ZNF385D: variants seen among roughly 807,000 people sequenced by gnomAD.
ZNF385D encodes the protein zinc finger protein 385D.
A neutral mutation model predicts 35.8 loss-of-function variants in ZNF385D; 15 were observed. That is an observed-to-expected ratio of 0.42 (90% CI 0.28 to 0.64). The LOEUF (loss-of-function observed/expected upper bound fraction) is 0.64, where lower values mean the gene tolerates loss of function less well. ZNF385D is among the 30% of genes least tolerant of loss of function. The pLI, the probability that ZNF385D is intolerant of heterozygous loss-of-function variation, is 0.23. For synonymous variants in ZNF385D, 212 were observed against 186.8 expected, an observed-to-expected ratio of 1.13 and a Z score of -1.10; for missense variants, 474 against 494.6, an observed-to-expected ratio of 0.96 and a Z score of 0.39.
At chr3:22,273,166 G>T (rs757280336) in intron 2 of ZNF385D, among the ~76,000 whole-genome samples, 19 of 151,888 alleles carry the variant, frequency 1.3e-4, no homozygotes, top group Non-Finnish European at 2.5e-4. Context: ...ACAAGAATCT[G>T]CATAAACAGG....
intron 2 of ZNF385D, among the ~76,000 whole-genome samples, chr3:22,219,693 G>C (rs1187310815): frequency 6.6e-6 from 1 of 152,040 alleles, no homozygotes; most frequent in Non-Finnish European, 1.5e-5. Flanking sequence ...TATTTCTAGA[G>C]GAATGACTCA....
At chr3:21,645,279 TAAAC>T (rs1255590791) in intron 2 of ZNF385D, among the ~76,000 whole-genome samples, 1 of 152,118 alleles carries the variant, frequency 6.6e-6, no homozygotes, top group Non-Finnish European at 1.5e-5. Flanking sequence ...ACTGATAAAA[TAAAC>T]AGTTGTTGAG....
chr3:21,811,866 T>C lies in ZNF385D; in HGVS notation c.326-146838A>G, dbSNP rs533910882. Among the ~76,000 whole-genome samples the C allele has an allele frequency of 4.2e-4, 64 of 152,274 alleles. 1 individual carries two copies. Among genetic ancestry groups the C allele is most frequent in the Non-Finnish European group, 2.2e-4 (15 of 68,022 alleles). ...TGTTAAATGGCTCATGGATGGTGAA[T>C]TGCATAATGAATAGATTAGGGTAAC... On this transcript the variant is annotated intron_variant, in intron 3 of 5. Transcript: ENST00000494108.
intron 3 of ZNF385D, among the ~76,000 whole-genome samples, chr3:22,146,757 A>G (rs770309035): frequency 2.0e-5 from 3 of 152,180 alleles, no homozygotes; most frequent in African/African-American, 4.8e-5. Flanking sequence ...TCATTAATCA[A>G]TAGAATTACA....
chr3:21,784,216 C>G (rs527827208), intron 3 of ZNF385D, among the ~76,000 whole-genome samples: 21 of 152,166 alleles, frequency 1.4e-4, no homozygotes, highest in Non-Finnish European at 2.9e-4. Flanking sequence ...GCTTCAAAAT[C>G]CATGTTTAAA....
chr3:21,486,419 T>C (rs1705032334), intron 4 of ZNF385D, among the ~76,000 whole-genome samples: 2 of 152,102 alleles, frequency 1.3e-5, no homozygotes, highest in Admixed American at 1.3e-4. Flanking sequence ...AAGGCTCACA[T>C]CAGTCATATC....
chr3:21,741,425 A>C (rs1048837434), intron 1 of ZNF385D, among the ~76,000 whole-genome samples: 15 of 152,148 alleles, frequency 9.9e-5, no homozygotes, highest in African/African-American at 3.6e-4. Flanking sequence ...GCTATAGCCC[A>C]CCATTCCTCA....
chr3:21,762,247 C>A (rs1298023767), intron 3 of ZNF385D, among the ~76,000 whole-genome samples: 1 of 152,098 alleles, frequency 6.6e-6, no homozygotes, highest in East Asian at 1.9e-4. Flanking sequence ...GATTCAGCTG[C>A]TCCGTCCATT....
intron 1 of ZNF385D, among the ~76,000 whole-genome samples, chr3:21,722,102 A>AAAC (rs2068566876): frequency 1.1e-5 from 1 of 93,922 alleles, no homozygotes; most frequent in Non-Finnish European, 2.3e-5. Flanking sequence ...TCTGTCTCAA[A>AAAC]AAAAAAAAAA....
At chr3:22,242,542 G>A (rs1011606234) in intron 2 of ZNF385D, among the ~76,000 whole-genome samples, 10 of 150,628 alleles carry the variant, frequency 6.6e-5, no homozygotes, top group Admixed American at 1.3e-4. Context: ...TCAAAACAAC[G>A]GATAGTTTAC....
At chr3:22,309,779 A>G (rs899079261) in intron 2 of ZNF385D, among the ~76,000 whole-genome samples, 4 of 151,908 alleles carry the variant, frequency 2.6e-5, no homozygotes, top group African/African-American at 7.2e-5. Context: ...TAAATGGCCA[A>G]TCTACTATAG....
chr3:21,803,276 A>C (rs991157666), intron 3 of ZNF385D, among the ~76,000 whole-genome samples: 10 of 152,198 alleles, frequency 6.6e-5, no homozygotes, highest in African/African-American at 2.4e-4. Flanking sequence ...TGGTGTGCCC[A>C]AAATGAGAAG....
intron 2 of ZNF385D, among the ~76,000 whole-genome samples, chr3:21,614,877 G>T (rs1053779175): frequency 2.6e-5 from 4 of 152,180 alleles, no homozygotes; most frequent in Non-Finnish European, 5.9e-5. Context: ...ATAAGCCATC[G>T]TGCCCGGCCC....
intron 3 of ZNF385D, among the ~76,000 whole-genome samples, chr3:22,002,931 A>C (rs1695942027): frequency 6.6e-6 from 1 of 152,190 alleles, no homozygotes; most frequent in African/African-American, 2.4e-5. Context: ...ATCTCAAAAT[A>C]ATAAAGGTCA....
At chr3:21,977,740 G>C (rs532295715) in intron 3 of ZNF385D, among the ~76,000 whole-genome samples, 1 of 152,224 alleles carries the variant, frequency 6.6e-6, no homozygotes, top group African/African-American at 2.4e-5. Flanking sequence ...GGAGGCTGAA[G>C]CAAGAGGATC....
intron 3 of ZNF385D, among the ~76,000 whole-genome samples, chr3:22,099,326 G>T (rs778204182): frequency 2.6e-5 from 4 of 152,066 alleles, no homozygotes; most frequent in Admixed American, 6.6e-5. Flanking sequence ...AGGGCTGAAG[G>T]TTTGGAATAG....
rs1275022519 is a variant in ZNF385D at position 21,425,653 on chromosome 3, T to C, written c.691A>G (p.Met231Val). ...AHNSGTKHKT[M>V]LEARNGSGTI... is the part of the protein sequence containing the mutation. ...CCACTTCCATTCCGGGCTTCTAACATGGTTTTGTGCTTAGTACCTGTCAGG... is the reference window on the plus strand; with the variant it reads ...CCACTTCCATTCCGGGCTTCTAACACGGTTTTGTGCTTAGTACCTGTCAGG... The change falls in exon 6 of 8, where the codon ATG becomes GTG. Residue 231 changes from methionine (M) to valine (V), a missense_variant. Met to Val is a conservative substitution (Grantham distance 21). Transcript: ENST00000281523. 1 of 1,591,982 alleles carries C rather than the reference T, an allele frequency of 6.3e-7. No individual in the cohort carries two copies. Among genetic ancestry groups the C allele is most frequent in the Non-Finnish European group, 8.6e-7 (1 of 1,167,614 alleles).
intron 3 of ZNF385D, among the ~76,000 whole-genome samples, chr3:22,044,812 TA>T (rs1314262055): frequency 2.0e-5 from 3 of 152,000 alleles, no homozygotes; most frequent in Non-Finnish European, 4.4e-5. Context: ...GAACTTAAGC[TA>T]AATGTGAGAA....
chr3:22,360,773 T>C (rs1203924703), intron 2 of ZNF385D, among the ~76,000 whole-genome samples: 5 of 151,968 alleles, frequency 3.3e-5, no homozygotes, highest in African/African-American at 1.2e-4. Context: ...GAAACAACGC[T>C]TCAACTTTAA....
Sources: allele counts gnomAD v4.1 joint callset (sites outside exome capture counted in the v4.1 genomes callset), GRCh38; gene constraint gnomAD v4.1.1; transcripts MANE v1.5; gene names NCBI Gene and HGNC (gene_info 2026-07-23, HGNC 2026-07-21).